Variants in ESR1 observed in about 807,000 individuals in gnomAD.
ESR1 encodes the protein estrogen receptor 1, also known as estrogen receptor.
ESR1 carries 12 observed loss-of-function variants against 52.7 expected under a neutral mutation model. The ratio of observed to expected loss-of-function variants is 0.23; its 90% CI spans 0.15 to 0.37. The LOEUF (loss-of-function observed/expected upper bound fraction) is 0.37. ESR1 is among the 10% of genes least tolerant of loss of function. ESR1 has a pLI of 1.00. For synonymous variants in ESR1, 305 were observed against 316.8 expected (o/e 0.96, Z 0.39); for missense variants, 584 against 779.7 (o/e 0.75, Z 2.99).
chr6:151,660,704 TG>T (rs1777609287), intron 1 of ESR1, among the ~76,000 whole-genome samples: 1 of 152,202 alleles, frequency 6.6e-6, no homozygotes, highest in African/African-American at 2.4e-5. Context: ...CATACGTATA[TG>T]TTATGTAGAC....
intron 2 of ESR1, among the ~76,000 whole-genome samples, chr6:151,766,713 T>G (rs1583191934): frequency 6.6e-6 from 1 of 152,136 alleles, no homozygotes; most frequent in Non-Finnish European, 1.5e-5. Context: ...TCTTTTAAAC[T>G]CTAATACATG....
chr6:151,847,624 TA>T (rs1231675136), intron 2 of ESR1, among the ~76,000 whole-genome samples: 1 of 136,254 alleles, frequency 7.3e-6, no homozygotes, highest in Non-Finnish European at 1.6e-5. Flanking sequence ...GAGTTCATTG[TA>T]GATTCTGGAT....
At chr6:151,709,140 G>A (rs1286516170) in intron 2 of ESR1, among the ~76,000 whole-genome samples, 6 of 151,160 alleles carry the variant, frequency 4.0e-5, no homozygotes, top group Non-Finnish European at 7.4e-5. Context: ...CCCTCTGCCC[G>A]ACACTGCCCC....
chr6:151,755,192 A>G (rs1452473838), intron 2 of ESR1, among the ~76,000 whole-genome samples: 1 of 150,910 alleles, frequency 6.6e-6, no homozygotes, highest in African/African-American at 2.5e-5. Flanking sequence ...CCTGGGTGAC[A>G]GAGTGAGACC....
intron 4 of ESR1, among the ~76,000 whole-genome samples, chr6:152,003,340 ATGTG>A (rs60787638): frequency 0.13 from 18,869 of 145,530 alleles, 1,284 homozygotes; most frequent in African/African-American, 0.19. Flanking sequence ...AAGGGTAATT[ATGTG>A]TGTGTGTGTG....
intron 1 of ESR1, among the ~76,000 whole-genome samples, chr6:151,678,345 C>T (rs184478615): frequency 5.9e-5 from 9 of 151,804 alleles, no homozygotes; most frequent in East Asian, 1.9e-4. Context: ...TGGTGGTACA[C>T]GCCTATAATC....
intron 3 of ESR1, among the ~76,000 whole-genome samples, chr6:151,914,692 CATT>C (rs1434294470): frequency 2.0e-5 from 3 of 152,122 alleles, no homozygotes; most frequent in Non-Finnish European, 4.4e-5. Flanking sequence ...TGGGTTGAGT[CATT>C]GTTACCTCCC....
chr6:151,757,935 G>A (rs185984613), intron 2 of ESR1, among the ~76,000 whole-genome samples: 10 of 152,312 alleles, frequency 6.6e-5, no homozygotes, highest in Admixed American at 5.9e-4. Context: ...AGGCCATTTC[G>A]AGGCTGAATG....
At chr6:152,059,385 G>A (rs957194234) in intron 5 of ESR1, among the ~76,000 whole-genome samples, 7 of 151,584 alleles carry the variant, frequency 4.6e-5, no homozygotes, top group South Asian at 2.1e-4. Flanking sequence ...TGAAACGTTC[G>A]ATAAATTTAA....
chr6:151,777,914 T>C (rs1399487923), intron 2 of ESR1, among the ~76,000 whole-genome samples: 5 of 152,002 alleles, frequency 3.3e-5, no homozygotes, highest in Non-Finnish European at 5.9e-5. Flanking sequence ...GAGCCGAGAC[T>C]GCGCCACTGC....
chr6:151,903,967 AT>A (rs1201401991), intron 3 of ESR1, among the ~76,000 whole-genome samples: 1 of 152,198 alleles, frequency 6.6e-6, no homozygotes, highest in Non-Finnish European at 1.5e-5. Context: ...TTTTGTCAAT[AT>A]TTGTTATTAG....
In ESR1 at chr6:151,986,242, A is replaced by G. The variant is rs1185865529; in HGVS notation, c.1097-25414A>G. On this transcript the variant is annotated intron_variant, in intron 4 of 7. Coordinates refer to ENST00000206249, the MANE Select transcript of ESR1 (RefSeq NM_000125.4). ...TGATACAAAATTTAAGAAAAATCAA[A>G]TTCAAGAGGTAATATTTTAATACGA... 2.0e-5 allele frequency among the ~76,000 whole-genome samples: 3 copies of G among 152,160 alleles called. No homozygotes were observed. The East Asian group carries it at 5.8e-4, about 29-fold the overall frequency.
chr6:152,060,036 G>A (rs1480291456), intron 5 of ESR1, among the ~76,000 whole-genome samples: 9 of 151,724 alleles, frequency 5.9e-5, no homozygotes, highest in East Asian at 3.9e-4. Flanking sequence ...TTCTAACCCC[G>A]TCAAACACAT....
chr6:151,944,716 A>G (rs1291884130), intron 4 of ESR1, among the ~76,000 whole-genome samples: 1 of 152,186 alleles, frequency 6.6e-6, no homozygotes, highest in Non-Finnish European at 1.5e-5. Flanking sequence ...AATCTAGAAG[A>G]CTGAAATTCT....
chr6:151,907,283 A>T (rs1281656004), intron 3 of ESR1, among the ~76,000 whole-genome samples: 2 of 152,074 alleles, frequency 1.3e-5, no homozygotes, highest in East Asian at 1.9e-4. Context: ...TTATAAATTA[A>T]TCTGAGGAGG....
chr6:151,747,294 A>T (rs529863996), intron 2 of ESR1, among the ~76,000 whole-genome samples: 2 of 152,348 alleles, frequency 1.3e-5, no homozygotes, highest in African/African-American at 4.8e-5. Context: ...TGACTGGAAT[A>T]GTTTCTAATG....
chr6:151,833,548 T>A (rs890211512), intron 1 of ESR1, among the ~76,000 whole-genome samples: 24 of 152,012 alleles, frequency 1.6e-4, no homozygotes, highest in Admixed American at 1.4e-3. Flanking sequence ...TTTGGGAGGA[T>A]TGGCAGAGGA....
intron 6 of ESR1, among the ~76,000 whole-genome samples, chr6:152,076,646 C>T (rs111941953): frequency 6.6e-6 from 1 of 152,112 alleles, no homozygotes; most frequent in Non-Finnish European, 1.5e-5. Context: ...GTGATATGAA[C>T]AATAAAGTCC....
intron 1 of ESR1, among the ~76,000 whole-genome samples, chr6:151,662,229 G>A (rs924700105): frequency 6.6e-6 from 1 of 152,070 alleles, no homozygotes; most frequent in African/African-American, 2.4e-5. Context: ...TATATACAGG[G>A]TGATTATAAA....
Sources: gnomAD v4.1 joint callset for allele counts (sites outside exome capture counted in the v4.1 genomes callset) on GRCh38, gnomAD v4.1.1 for gene constraint, MANE v1.5 for transcripts, NCBI Gene and HGNC (gene_info 2026-07-23, HGNC 2026-07-21) for gene names.